The following SNURF variants were observed in gnomAD, a reference collection of about 807,000 sequenced individuals.
SNURF encodes SNURF protein.
In SNURF, 6 loss-of-function variants were observed where a neutral mutation model predicts 11.6. That is an observed-to-expected ratio of 0.52 (90% CI 0.28 to 1.02). SNURF has a LOEUF of 1.02. Among genes scored for constraint, SNURF ranks in the 50% least tolerant of loss-of-function variants. The probability of loss-of-function intolerance (pLI) is 0.09; values close to 1 mark genes in which losing one functional copy is unlikely to be tolerated. For synonymous variants in SNURF, 29 were observed against 31.6 expected, an observed-to-expected ratio of 0.92 and a Z score of 0.27; for missense variants, 84 against 88.4, an observed-to-expected ratio of 0.95 and a Z score of 0.20.
chr15:24,974,649 C>G (rs2076856235), intron 3 of SNURF: 3 of 650,576 alleles, frequency 4.6e-6, no homozygotes, highest in Non-Finnish European at 2.8e-6. Context: ...CAGACGGGGT[C>G]TTGCTCTGTC....
At chr15:24,969,409 G>A (rs1231712271), downstream of SNURF, among the ~76,000 whole-genome samples, 2 of 152,144 alleles carry the variant, frequency 1.3e-5, no homozygotes, top group South Asian at 2.1e-4. Flanking sequence ...GATTACAGGC[G>A]TGACCTACCG....
intron 1 of SNURF, 79 bp downstream of exon 1, chr15:24,955,141 A>C: frequency 6.3e-7 from 1 of 1,587,444 alleles, no homozygotes; most frequent in East Asian, 2.2e-5. Context: ...CCAAGTTTTT[A>C]GGACTTGGAG....
At chr15:24,968,001 G>T (rs1270154661) in exon 3 of SNURF, 1 of 1,614,068 alleles carries the variant, frequency 6.2e-7, no homozygotes. Context: ...CTGAACTGAG[G>T]CAGGCATTCT....
At chr15:24,962,573 C>T (rs1257733882) in intron 2 of SNURF, among the ~76,000 whole-genome samples, 2 of 152,040 alleles carry the variant, frequency 1.3e-5, no homozygotes, top group East Asian at 1.9e-4. Flanking sequence ...TTCATTCTTG[C>T]TCTGTGATAT....
At chr15:24,977,356 T>C (rs1246235073) in intron 6 of SNURF, among the ~76,000 whole-genome samples, 2 of 152,064 alleles carry the variant, frequency 1.3e-5, no homozygotes, top group Admixed American at 6.5e-5. Context: ...AATATGGGAA[T>C]AGGCCGGGTG....
At chr15:24,978,373 C>CATA (rs2077307202), downstream of SNURF, 2 of 1,613,906 alleles carry the variant, frequency 1.2e-6, no homozygotes, top group East Asian at 4.5e-5. Flanking sequence ...ATATGTGTAT[C>CATA]CTCTTTTTCT....
intron 4 of SNURF, chr15:24,976,225 A>G (rs2077044754): frequency 1.9e-6 from 2 of 1,073,918 alleles, no homozygotes; most frequent in Non-Finnish European, 2.9e-6. Flanking sequence ...GTCTTAATTG[A>G]TACTTGAGGT....
chr15:24,955,462 G>A (rs1277346520), intron 1 of SNURF, among the ~76,000 whole-genome samples: 1 of 151,776 alleles, frequency 6.6e-6, no homozygotes, highest in African/African-American at 2.4e-5. Context: ...CAGTGCATAG[G>A]GATTTTAGGC....
At chr15:24,977,671 T>C in intron 6 of SNURF, 12 of 1,106,938 alleles carry the variant, frequency 1.1e-5, no homozygotes, top group Non-Finnish European at 1.5e-5. Flanking sequence ...AGAAGTACAT[T>C]GCAACAGTTG....
chr15:24,973,296 ACT>A (rs999124974), downstream of SNURF, among the ~76,000 whole-genome samples: 5 of 151,872 alleles, frequency 3.3e-5, no homozygotes, highest in African/African-American at 7.3e-5. Context: ...AGTATAGTAG[ACT>A]CTGTGTATCC....
intron 1 of SNURF, among the ~76,000 whole-genome samples, chr15:24,956,370 T>C (rs2062891557): frequency 7.2e-6 from 1 of 139,680 alleles, no homozygotes; most frequent in Non-Finnish European, 1.6e-5. Flanking sequence ...GGTGGCCGCT[T>C]CCTCCCTGTA....
chr15:24,956,042 G>GC (rs1450483777), intron 1 of SNURF, among the ~76,000 whole-genome samples: 1 of 151,990 alleles, frequency 6.6e-6, no homozygotes, highest in African/African-American at 2.4e-5. Context: ...TTAAAACTGC[G>GC]CAATGCCTAC....
At chr15:24,973,831 C>A (rs1310824069) in intron 3 of SNURF, among the ~76,000 whole-genome samples, 12 of 152,296 alleles carry the variant, frequency 7.9e-5, no homozygotes, top group Admixed American at 2.6e-4. Context: ...TTATAACACA[C>A]TTGGCTCTTA....
downstream of SNURF, chr15:24,978,598 T>A: frequency 1.3e-6 from 1 of 741,142 alleles, no homozygotes; most frequent in Non-Finnish European, 2.3e-6. Flanking sequence ...CTGTTGTATA[T>A]ATTTTTTTGC....
At chr15:24,963,561 G>A (rs1433555225) in intron 2 of SNURF, among the ~76,000 whole-genome samples, 1 of 151,202 alleles carries the variant, frequency 6.6e-6, no homozygotes, top group Non-Finnish European at 1.5e-5. Flanking sequence ...GTTGCAATGA[G>A]CTAAGATGGC....
chr15:24,955,525 C>T (rs769285300), intron 1 of SNURF, among the ~76,000 whole-genome samples: 3 of 143,816 alleles, frequency 2.1e-5, no homozygotes, highest in Non-Finnish European at 3.0e-5. Flanking sequence ...GTGAAGTGAT[C>T]GGTATTTAGG....
chr15:24,965,017 C>T lies in SNURF; in HGVS notation c.110+2808C>T, dbSNP rs138625179. On this transcript the variant is annotated intron_variant, in intron 2 of 2. Coordinates refer to ENST00000577949, the Ensembl canonical transcript of SNURF. ...TTAGGGAAATAGTATAATTTTTCCC[C>T]CTTGTGCGTTTTCATTTTGAGAGTA... is the stretch of plus-strand genomic sequence containing the variant. Among the ~76,000 whole-genome samples, 799 of 152,128 alleles carry T rather than the reference C, an allele frequency of 5.3e-3. 5 individuals carry two copies. The highest frequency in any genetic ancestry group is 9.6e-3 in the South Asian group (46 of 4,814).
chr15:24,978,533 T>C (rs2077320888), downstream of SNURF: 1 of 1,143,082 alleles, frequency 8.7e-7, no homozygotes, highest in Admixed American at 1.7e-5. Flanking sequence ...TGTTCCCTCA[T>C]TCTGCATTAA....
chr15:24,976,534 C>T (rs1431012261), intron 5 of SNURF: 6 of 767,476 alleles, frequency 7.8e-6, no homozygotes, highest in Non-Finnish European at 1.3e-5. Flanking sequence ...ATAAAATGTG[C>T]CAGGCACTTA....
Sources: gnomAD v4.1 joint callset for allele counts (sites outside exome capture counted in the v4.1 genomes callset) on GRCh38, gnomAD v4.1.1 for gene constraint, MANE v1.5 for transcripts, NCBI Gene and HGNC (gene_info 2026-07-23, HGNC 2026-07-21) for gene names.